Variants in GALNT10 observed in about 807,000 individuals in gnomAD.
GALNT10 encodes polypeptide N-acetylgalactosaminyltransferase 10, also known as GalNAc transferase 10.
Under a neutral mutation model 75.0 loss-of-function variants are expected in GALNT10, and 41 were observed. The observed-to-expected ratio is 0.55, with a 90% CI of 0.43 to 0.71. GALNT10 has a LOEUF of 0.71. GALNT10 is among the 30% of genes least tolerant of loss of function. GALNT10 has a pLI of 0.00. For missense variants in GALNT10, 727 were observed against 818.5 expected (o/e 0.89, Z 1.36); for synonymous variants, 302 against 313.0 (o/e 0.96, Z 0.37).
intron 1 of GALNT10, among the ~76,000 whole-genome samples, chr5:154,261,507 C>T (rs1282497585): frequency 6.6e-6 from 1 of 152,210 alleles, no homozygotes; most frequent in East Asian, 1.9e-4. Context: ...CTGTGTTTAG[C>T]ACCAAACAAG....
chr5:154,337,900 C>T, intron 4 of GALNT10: 2 of 1,345,870 alleles, frequency 1.5e-6, no homozygotes, highest in Non-Finnish European at 2.1e-6. Flanking sequence ...GCTTTCCTAA[C>T]TTTACATTTG....
chr5:154,207,316 C>T (rs2113646084), intron 1 of GALNT10, among the ~76,000 whole-genome samples: 1 of 152,238 alleles, frequency 6.6e-6, no homozygotes, highest in African/African-American at 2.4e-5. Flanking sequence ...TGCCCTGGCC[C>T]CTCGAGAGCT....
intron 1 of GALNT10, among the ~76,000 whole-genome samples, chr5:154,242,594 C>T (rs1753354959): frequency 6.6e-6 from 1 of 152,180 alleles, no homozygotes; most frequent in South Asian, 2.1e-4. Flanking sequence ...GGCAAAAGCT[C>T]CTAAATCCCT....
intron 1 of GALNT10, among the ~76,000 whole-genome samples, chr5:154,217,340 A>G (rs1209689175): frequency 6.6e-6 from 1 of 152,190 alleles, no homozygotes; most frequent in African/African-American, 2.4e-5. Context: ...GACCCCTGGC[A>G]GATCACGCTC....
intron 4 of GALNT10, among the ~76,000 whole-genome samples, chr5:154,367,022 T>G (rs138324587): frequency 6.6e-6 from 1 of 152,114 alleles, no homozygotes; most frequent in African/African-American, 2.4e-5. Flanking sequence ...AGGAGTAGAC[T>G]CATTGGAAGG....
chr5:154,367,362 A>G (rs142009687), intron 4 of GALNT10, among the ~76,000 whole-genome samples: 30 of 152,184 alleles, frequency 2.0e-4, no homozygotes, highest in African/African-American at 6.0e-4. Context: ...CCCTATTGGG[A>G]TATGTGTTCA....
At chr5:154,395,933 C>CG (rs1756008349) in intron 7 of GALNT10, among the ~76,000 whole-genome samples, 1 of 152,126 alleles carries the variant, frequency 6.6e-6, no homozygotes, top group Non-Finnish European at 1.5e-5. Flanking sequence ...TGTGTTTCAA[C>CG]ATGCCCTGCA....
rs371071769 is a variant in GALNT10, at chr5:154,264,375, A to G, written c.160-30441A>G. On this transcript the variant is annotated intron_variant, in intron 1 of 11. Transcript: ENST00000297107. The stretch of plus-strand genomic sequence containing the variant: ...GAAACCTGAATATGGAGTATGTATT[A>G]GATAATAATTTATATCAATGTGATA... 9.9e-5 allele frequency among the ~76,000 whole-genome samples: 15 copies of G among 151,888 alleles called. No individual in the cohort carries two copies. The East Asian group carries it at 2.9e-3, about 29-fold the overall frequency.
At chr5:154,359,740 C>T (rs1457328704) in intron 4 of GALNT10, among the ~76,000 whole-genome samples, 1 of 151,116 alleles carries the variant, frequency 6.6e-6, no homozygotes, top group Non-Finnish European at 1.5e-5. Flanking sequence ...GGAGGCCTGT[C>T]TAGTTTGTGT....
intron 1 of GALNT10, among the ~76,000 whole-genome samples, chr5:154,191,711 A>G (rs376298510): frequency 1.3e-5 from 2 of 152,312 alleles, no homozygotes; most frequent in African/African-American, 4.8e-5. Context: ...CTTTGACCTT[A>G]TGGGAGTCCA....
At chr5:154,212,534 C>G (rs887716173) in intron 1 of GALNT10, among the ~76,000 whole-genome samples, 4 of 152,210 alleles carry the variant, frequency 2.6e-5, no homozygotes, top group African/African-American at 9.6e-5. Flanking sequence ...TTCACATTTT[C>G]GTCTGATTTC....
chr5:154,340,912 C>T (rs1434085874), intron 4 of GALNT10, among the ~76,000 whole-genome samples: 1 of 152,184 alleles, frequency 6.6e-6, no homozygotes, highest in Non-Finnish European at 1.5e-5. Context: ...CAAATATACA[C>T]ATTTATATAT....
chr5:154,245,318 G>T (rs1325392934), intron 1 of GALNT10, among the ~76,000 whole-genome samples: 1 of 152,184 alleles, frequency 6.6e-6, no homozygotes, highest in African/African-American at 2.4e-5. Flanking sequence ...GTGATGTTGA[G>T]GCTAGCAATG....
intron 1 of GALNT10, among the ~76,000 whole-genome samples, chr5:154,215,723 G>C (rs1417526557): frequency 6.6e-6 from 1 of 152,084 alleles, no homozygotes; most frequent in Admixed American, 6.5e-5. Flanking sequence ...GTGAAGATCT[G>C]CCATCTGTGT....
intron 1 of GALNT10, among the ~76,000 whole-genome samples, chr5:154,247,194 G>A (rs899122989): frequency 4.6e-5 from 7 of 152,166 alleles, no homozygotes; most frequent in South Asian, 2.1e-4. Context: ...CCAGTATCAC[G>A]CTGTTTTGGT....
chr5:154,269,472 T>C (rs1753828865), intron 1 of GALNT10, among the ~76,000 whole-genome samples: 1 of 152,224 alleles, frequency 6.6e-6, no homozygotes, highest in South Asian at 2.1e-4. Context: ...ATGTGCTTCC[T>C]CCTTCATGTG....
chr5:154,270,400 G>T (rs1205902361), intron 1 of GALNT10, among the ~76,000 whole-genome samples: 1 of 151,560 alleles, frequency 6.6e-6, no homozygotes, highest in Admixed American at 6.6e-5. Flanking sequence ...CAAGGGCAGG[G>T]CCAGGCTGGA....
intron 3 of GALNT10, among the ~76,000 whole-genome samples, chr5:154,304,363 G>A (rs143210264): frequency 2.0e-5 from 3 of 152,114 alleles, no homozygotes; most frequent in East Asian, 3.8e-4. Flanking sequence ...AGAAAAAAAT[G>A]TCAAAGCAGC....
chr5:154,247,051 A>T (rs1753438374), intron 1 of GALNT10, among the ~76,000 whole-genome samples: 1 of 152,172 alleles, frequency 6.6e-6, no homozygotes, highest in Non-Finnish European at 1.5e-5. Flanking sequence ...TCCCAGCACC[A>T]TGTATTAAAT....
Sources: gnomAD v4.1 joint callset for allele counts (sites outside exome capture counted in the v4.1 genomes callset) on GRCh38, gnomAD v4.1.1 for gene constraint, MANE v1.5 for transcripts, NCBI Gene and HGNC (gene_info 2026-07-23, HGNC 2026-07-21) for gene names.